Variants in CD84 observed in about 807,000 individuals in gnomAD.
CD84 encodes the protein CD84 molecule.
Under a neutral mutation model 33.8 loss-of-function variants are expected in CD84, and 22 were observed. That is an observed-to-expected ratio of 0.65 (90% CI 0.46 to 0.93). The LOEUF (loss-of-function observed/expected upper bound fraction) is 0.93, where lower values mean the gene tolerates loss of function less well. Among genes scored for constraint, CD84 ranks in the 40% least tolerant of loss-of-function variants. CD84 has a pLI of 0.00. For synonymous variants in CD84, 154 were observed against 145.2 expected, an observed-to-expected ratio of 1.06 and a Z score of -0.44; for missense variants, 400 against 397.6, an observed-to-expected ratio of 1.01 and a Z score of -0.05.
At chr1:160,553,566 C>T (rs746338719) in intron 3 of CD84, 69 bp from the exon 4 acceptor site, 14 of 1,580,514 alleles carry the variant, frequency 8.9e-6, no homozygotes, top group African/African-American at 1.4e-5. Flanking sequence ...CAGGTTTGCC[C>T]ACAGTCAGGG....
chr1:160,566,242 G>C (rs1427149850), intron 1 of CD84, among the ~76,000 whole-genome samples: 1 of 152,200 alleles, frequency 6.6e-6, no homozygotes, highest in Non-Finnish European at 1.5e-5. Context: ...TAGAAGCAGA[G>C]AGTGCTTTGG....
At chr1:160,549,892 G>T (rs373217464) in intron 6 of CD84, 25 bp downstream of exon 6, 10 of 1,570,868 alleles carry the variant, frequency 6.4e-6, no homozygotes, top group Non-Finnish European at 8.8e-6. Flanking sequence ...AGGAAAGCAA[G>T]GATAAAAAGC....
In CD84 at chr1:160,543,798, A is replaced by C. The variant is rs1354825550; in HGVS notation, c.*4458T>G. The C allele has an allele frequency of 2.0e-5, 3 of 152,140 alleles. No individual in the cohort carries two copies. Among genetic ancestry groups the C allele is most frequent in the Non-Finnish European group, 2.9e-5 (2 of 68,036 alleles). 9.4% of individuals were successfully genotyped at this position (152,140 alleles called of 1,614,324 possible). A position where few individuals can be genotyped will look rare whatever the true frequency, so the allele number is the denominator to read the frequency against. On this transcript the variant is annotated 3_prime_UTR_variant, in exon 7 of 7. Coordinates refer to ENST00000368054, the MANE Select transcript of CD84 (RefSeq NM_003874.4). ...TGATATACAACATTAATTTTGCATAATACTAGCAGCATTTCTGTTGTAAGA... is the reference window on the plus strand; with the variant it reads ...TGATATACAACATTAATTTTGCATACTACTAGCAGCATTTCTGTTGTAAGA...
chr1:160,557,920 G>A (rs543086241), intron 2 of CD84, among the ~76,000 whole-genome samples: 4 of 152,206 alleles, frequency 2.6e-5, no homozygotes, highest in African/African-American at 9.6e-5. Context: ...CACTGGGTGG[G>A]ACCTCCCTGC....
chr1:160,571,254 T>TC (rs1206667548), intron 1 of CD84: 2 of 152,022 alleles, frequency 1.3e-5, no homozygotes, highest in African/African-American at 4.8e-5. Context: ...AAGCCTGAAG[T>TC]CCACGACTGA....
rs913070810 is a variant in CD84 at position 160,565,561 on chromosome 1, G to T, written c.231C>A (p.Thr77=). The stretch of plus-strand genomic sequence containing the variant: ...GTATCCGTTCATAATAATTTCTGTG[G>T]GTCACAGTAACTACGGGTGCTGTTT... ...DSETAPVVTV[T]HRNYYERIHA... Residue 77 remains threonine (T), a synonymous_variant, in exon 2 of 7, where the codon ACC becomes ACA. Coordinates refer to ENST00000368054, the MANE Select transcript of CD84 (RefSeq NM_003874.4). 1.2e-6 allele frequency: 2 copies of T among 1,613,916 alleles called. No individual in the cohort carries two copies. The highest frequency in any genetic ancestry group is 1.7e-6 in the Non-Finnish European group (2 of 1,179,898).
chr1:160,542,615 G>C lies in CD84; in HGVS notation c.*5641C>G, dbSNP rs1382428855. ...AAATATTTCTCATTTGCAAAGATTT[G>C]GCCATTTTCCAGTCTCAGAATTGAT... is the stretch of plus-strand genomic sequence containing the variant. On this transcript the variant is annotated 3_prime_UTR_variant, in exon 7 of 7. Coordinates refer to ENST00000368054, the MANE Select transcript of CD84 (RefSeq NM_003874.4). The C allele has an allele frequency of 1.3e-5, 2 of 152,104 alleles. No homozygotes were observed. The highest frequency in any genetic ancestry group is 3.8e-4 in the East Asian group (2 of 5,198). 9.4% of individuals were successfully genotyped at this position (152,104 alleles called of 1,614,324 possible).
At chr1:160,566,304 T>A (rs983711641) in intron 1 of CD84, among the ~76,000 whole-genome samples, 3 of 152,242 alleles carry the variant, frequency 2.0e-5, no homozygotes, top group South Asian at 2.1e-4. Context: ...GATATTTTTC[T>A]GTTTACTTCC....
At position 160,543,605 on chromosome 1, in the gene CD84, A is replaced by ATTATTATTT. The variant is rs1655659814; in HGVS notation, c.*4650_*4651insAAATAATAA. The ATTATTATTT allele has an allele frequency of 6.9e-6, 1 of 144,082 alleles. No homozygotes were observed. Among genetic ancestry groups the ATTATTATTT allele is most frequent in the South Asian group, 2.2e-4 (1 of 4,620 alleles). The allele number at this position is 144,082 out of a possible 1,614,324, so 8.9% of individuals were successfully genotyped here. A position where few individuals can be genotyped will look rare whatever the true frequency, so the allele number is the denominator to read the frequency against. ...TTCAAGGAGCTCTCCATTATTATTT[A>ATTATTATTT]TTATTATTATTATTATTATTATTAT... On this transcript the variant is annotated 3_prime_UTR_variant, in exon 7 of 7. Coordinates refer to ENST00000368054, the MANE Select transcript of CD84 (RefSeq NM_003874.4).
At chr1:160,571,870 C>A (rs1289640161) in intron 1 of CD84, among the ~76,000 whole-genome samples, 1 of 152,120 alleles carries the variant, frequency 6.6e-6, no homozygotes, top group Non-Finnish European at 1.5e-5. Context: ...TGCCTTAAAC[C>A]TCTGGTATGC....
intron 2 of CD84, among the ~76,000 whole-genome samples, chr1:160,563,092 C>T (rs925072126): frequency 1.3e-5 from 2 of 152,154 alleles, no homozygotes; most frequent in African/African-American, 4.8e-5. Flanking sequence ...CAAGAAACAA[C>T]AGATGCTGGC....
intron 1 of CD84, among the ~76,000 whole-genome samples, chr1:160,578,730 G>A (rs189864172): frequency 3.3e-5 from 5 of 152,064 alleles, no homozygotes; most frequent in Non-Finnish European, 5.9e-5. Flanking sequence ...TATTCATGTC[G>A]TTCTTTTAGT....
rs1557983379 is a variant in CD84 at position 160,569,544 on chromosome 1, ACGCACG to A, written c.47-3805_47-3800del. On this transcript the variant is annotated intron_variant, in intron 1 of 6. Transcript: ENST00000368054. ...CACACACACACACACACACACACGC[ACGCACG>A]CACGCACGCACACACACAATTCTCC... is the stretch of plus-strand genomic sequence containing the variant. 2.7e-3 allele frequency among the ~76,000 whole-genome samples: 408 copies of A among 150,132 alleles called. 1 individual carries two copies. Among genetic ancestry groups the A allele is most frequent in the African/African-American group, 9.2e-3 (372 of 40,342 alleles).
chr1:160,557,636 T>C (rs1028981746), intron 2 of CD84, among the ~76,000 whole-genome samples: 1 of 152,256 alleles, frequency 6.6e-6, no homozygotes, highest in Non-Finnish European at 1.5e-5. Context: ...GAGTCACTTA[T>C]GTAATTTTAA....
At chr1:160,564,686 A>G (rs1301200045) in intron 2 of CD84, among the ~76,000 whole-genome samples, 3 of 152,220 alleles carry the variant, frequency 2.0e-5, no homozygotes, top group African/African-American at 7.2e-5. Context: ...TCATTATTCC[A>G]TCTACATAAC....
At chr1:160,549,178 C>T (rs890848511) in intron 6 of CD84, among the ~76,000 whole-genome samples, 5 of 152,170 alleles carry the variant, frequency 3.3e-5, no homozygotes, top group South Asian at 2.1e-4. Flanking sequence ...CCCTGCTTGT[C>T]GAGCTCATAG....
At chr1:160,576,637 G>A (rs1373081454) in intron 1 of CD84, among the ~76,000 whole-genome samples, 1 of 152,148 alleles carries the variant, frequency 6.6e-6, no homozygotes, top group Non-Finnish European at 1.5e-5. Context: ...CAATGTGGGT[G>A]GAGGCAGCAT....
At chr1:160,569,476 G>A (rs1657542855) in intron 1 of CD84, among the ~76,000 whole-genome samples, 1 of 151,840 alleles carries the variant, frequency 6.6e-6, no homozygotes, top group Admixed American at 6.6e-5. Flanking sequence ...CAGATTCTCT[G>A]CCTTTCGGGG....
intron 1 of CD84, 23 bp from the exon 2 acceptor site, chr1:160,565,768 G>A (rs1464018528): frequency 6.5e-6 from 10 of 1,529,182 alleles, no homozygotes; most frequent in Non-Finnish European, 8.8e-6. Context: ...AAAGAAAACT[G>A]TAGCCATCTG....
Sources: allele counts gnomAD v4.1 joint callset (sites outside exome capture counted in the v4.1 genomes callset), GRCh38; gene constraint gnomAD v4.1.1; transcripts MANE v1.5; gene names NCBI Gene and HGNC (gene_info 2026-07-23, HGNC 2026-07-21).